Variants in ATP6V0E2 observed in about 807,000 individuals in gnomAD.
ATP6V0E2 encodes ATPase H+ transporting V0 subunit e2.
A neutral mutation model predicts 11.5 loss-of-function variants in ATP6V0E2; 4 were observed. The observed-to-expected ratio is 0.35, with a 90% CI of 0.17 to 0.80. The LOEUF is 0.80. ATP6V0E2 is among the 30% of genes least tolerant of loss of function. ATP6V0E2 has a pLI of 0.53. For missense variants in ATP6V0E2, 93 were observed against 113.5 expected, an observed-to-expected ratio of 0.82 and a Z score of 0.82; for synonymous variants, 52 against 51.0, an observed-to-expected ratio of 1.02 and a Z score of -0.09.
chr7:149,879,020 G>T, intron 3 of ATP6V0E2: 2 of 1,274,374 alleles, frequency 1.6e-6, no homozygotes, highest in South Asian at 1.8e-5. Flanking sequence ...TAGAGTTCTT[G>T]TTGGGATTCA....
upstream of ATP6V0E2, chr7:149,873,506 T>C (rs1802942531): frequency 1.2e-5 from 2 of 161,472 alleles, no homozygotes; most frequent in Admixed American, 1.3e-4. Flanking sequence ...GGAGAACGCG[T>C]GCTGAGGACC....
chr7:149,875,548 T>G, intron 1 of ATP6V0E2, 50 bp from the exon 2 acceptor site: 1 of 1,602,024 alleles, frequency 6.2e-7, no homozygotes, highest in Non-Finnish European at 8.5e-7. Context: ...GGCCAGGCCT[T>G]GTGAGGTGCT....
chr7:149,879,119 T>G, intron 3 of ATP6V0E2: 1 of 1,398,144 alleles, frequency 7.2e-7, no homozygotes, highest in Non-Finnish European at 9.2e-7. Context: ...CCGCCAGGGA[T>G]GAAATGGGAA....
Position 149,879,585 on chromosome 7 carries a change from CCT to C in ATP6V0E2, c.*273_*274del. 6.7e-7 allele frequency: 1 copy of C among 1,489,376 alleles called. No individual in the cohort carries two copies. Among genetic ancestry groups the C allele is most frequent in the Admixed American group, 2.2e-5 (1 of 44,492 alleles). The allele number at this position is 1,489,376 out of a possible 1,614,324, so 92.3% of individuals were successfully genotyped here. Reference sequence around the variant, plus strand: ...ATACCCGCACTGCTCTGGAGTTTGCCCTCTTTCCCAAGGAGATGCTGCTGGGG... The same window carrying C: ...ATACCCGCACTGCTCTGGAGTTTGCCCTTTCCCAAGGAGATGCTGCTGGGG... On this transcript the variant is annotated 3_prime_UTR_variant, in exon 4 of 4. Transcript: ENST00000425642.
rs1160423811 is a variant in ATP6V0E2, at chr7:149,879,412, G to T, written c.*97G>T. ...TCCGGACCCTCCCCCACACAACTAT[G>T]TCTGGTCACCAGCTCCCTCCTGCTG... On this transcript the variant is annotated 3_prime_UTR_variant, in exon 4 of 4. Coordinates refer to ENST00000425642, the MANE Select transcript of ATP6V0E2 (RefSeq NM_145230.4). The T allele has an allele frequency of 6.2e-7, 1 of 1,605,758 alleles. No homozygotes were observed.
chr7:149,873,024 A>T (rs1802918781), upstream of ATP6V0E2: 1 of 152,184 alleles, frequency 6.6e-6, no homozygotes, highest in South Asian at 2.1e-4. Context: ...TCTACAGAAG[A>T]TAGGGATTTT....
At chr7:149,874,206 C>A in intron 1 of ATP6V0E2, 37 bp downstream of exon 1, 1 of 1,523,388 alleles carries the variant, frequency 6.6e-7, no homozygotes. Flanking sequence ...ACCTCTCCAC[C>A]CCGGCCCCCT....
rs947991170 is a variant in ATP6V0E2 at position 149,878,254 on chromosome 7, T to C, written c.153-424T>C. ...CCCGTCAGCTCCTCACGTCTTGGGG[T>C]AGTTCCTTCTCTCATAAGAGGAGGT... On this transcript the variant is annotated intron_variant, in intron 2 of 3. Coordinates refer to ENST00000425642, the MANE Select transcript of ATP6V0E2 (RefSeq NM_145230.4). Among the ~76,000 whole-genome samples the C allele has an allele frequency of 2.0e-5, 3 of 152,048 alleles. No homozygotes were observed. The South Asian group carries it at 6.2e-4, about 32-fold the overall frequency.
At chr7:149,878,197 G>A (rs1389420169) in intron 2 of ATP6V0E2, among the ~76,000 whole-genome samples, 1 of 152,220 alleles carries the variant, frequency 6.6e-6, no homozygotes, top group Non-Finnish European at 1.5e-5. Flanking sequence ...AACAGAGGTG[G>A]CCTGGCAGCA....
In ATP6V0E2 at chr7:149,879,594, CAAGG is replaced by C; in HGVS notation, c.*281_*284del. On this transcript the variant is annotated 3_prime_UTR_variant, in exon 4 of 4. Coordinates refer to ENST00000425642, the MANE Select transcript of ATP6V0E2 (RefSeq NM_145230.4). ...CTGCTCTGGAGTTTGCCCTCTTTCC[CAAGG>C]AGATGCTGCTGGGGAGCTGGTATGG... The C allele has an allele frequency of 1.4e-6, 2 of 1,481,372 alleles. No individual in the cohort carries two copies. Among genetic ancestry groups the C allele is most frequent in the Non-Finnish European group, 1.8e-6 (2 of 1,113,320 alleles). 91.8% of individuals were successfully genotyped at this position (1,481,372 alleles called of 1,614,324 possible). A position where few individuals can be genotyped will look rare whatever the true frequency, so the allele number is the denominator to read the frequency against.
At chr7:149,879,211 G>A (rs544909241) in intron 3 of ATP6V0E2, 124 bp from the exon 4 acceptor site, 157 of 1,398,680 alleles carry the variant, frequency 1.1e-4, no homozygotes, top group Non-Finnish European at 1.3e-4. Context: ...TAACCTGGAC[G>A]GAGGGAGGGA....
At chr7:149,877,880 C>T (rs1406073352) in intron 2 of ATP6V0E2, among the ~76,000 whole-genome samples, 3 of 152,208 alleles carry the variant, frequency 2.0e-5, no homozygotes, top group South Asian at 2.1e-4. Flanking sequence ...AACATAAACT[C>T]GGAGAGAATG....
intron 2 of ATP6V0E2, chr7:149,875,874 C>T (rs1402816630): frequency 5.8e-6 from 4 of 685,240 alleles, no homozygotes; most frequent in Non-Finnish European, 8.0e-6. Flanking sequence ...TTCTGGCCCC[C>T]ATGGGCTGTA....
intron 1 of ATP6V0E2, among the ~76,000 whole-genome samples, chr7:149,875,394 C>T (rs1803070793): frequency 6.6e-6 from 1 of 152,168 alleles, no homozygotes; most frequent in African/African-American, 2.4e-5. Context: ...TCAAGGTTGG[C>T]CTCTCTGTGA....
intron 3 of ATP6V0E2, 30 bp downstream of exon 3, chr7:149,878,820 G>C (rs941394970): frequency 1.9e-6 from 3 of 1,599,258 alleles, no homozygotes; most frequent in Non-Finnish European, 8.5e-7. Context: ...TGTGGGTGGG[G>C]AAGAGGGGAA....
intron 2 of ATP6V0E2, among the ~76,000 whole-genome samples, chr7:149,878,299 C>A (rs6946512): frequency 0.24 from 35,977 of 152,050 alleles, 4,385 homozygotes; most frequent in Middle Eastern, 0.28. Context: ...GTGCTGCCCG[C>A]CAGGCCTGCC....
chr7:149,874,220 C>T, intron 1 of ATP6V0E2, 51 bp downstream of exon 1: 2 of 1,499,844 alleles, frequency 1.3e-6, no homozygotes, highest in South Asian at 1.3e-5. Flanking sequence ...GCCCCCTGGC[C>T]CGGCTCGCCC....
In ATP6V0E2 at chr7:149,879,714, C is replaced by T. The variant is rs571392988; in HGVS notation, c.*399C>T. On this transcript the variant is annotated 3_prime_UTR_variant, in exon 4 of 4. Coordinates refer to ENST00000425642, the MANE Select transcript of ATP6V0E2 (RefSeq NM_145230.4). ...GTCCTCATGGAGAGGGTGCTCCGGC[C>T]CAGGCGGGGGAGTCAGTGCCCAGTC... 316 of 1,346,976 alleles carry T rather than the reference C, an allele frequency of 2.3e-4. No homozygotes were observed. The highest frequency in any genetic ancestry group is 7.8e-4 in the Middle Eastern group (4 of 5,146). 83.4% of individuals were successfully genotyped at this position (1,346,976 alleles called of 1,614,324 possible). A position where few individuals can be genotyped will look rare whatever the true frequency, so the allele number is the denominator to read the frequency against.
In ATP6V0E2 at chr7:149,873,974, G is replaced by T; in HGVS notation, c.-92G>T. ...GCTTCGGGTGCTCGACTCCTGTTGC[G>T]CATGCTCAGCGCGCTGCCCGGCTGG... On this transcript the variant is annotated 5_prime_UTR_variant, in exon 1 of 4. Coordinates refer to ENST00000425642, the MANE Select transcript of ATP6V0E2 (RefSeq NM_145230.4). The T allele has an allele frequency of 2.6e-6, 4 of 1,545,226 alleles. No homozygotes were observed. Among genetic ancestry groups the T allele is most frequent in the Non-Finnish European group, 3.5e-6 (4 of 1,146,794 alleles).
Sources: gnomAD v4.1 joint callset for allele counts (sites outside exome capture counted in the v4.1 genomes callset) on GRCh38, gnomAD v4.1.1 for gene constraint, MANE v1.5 for transcripts, NCBI Gene and HGNC (gene_info 2026-07-23, HGNC 2026-07-21) for gene names.